Variants in LRBA observed in about 807,000 individuals in gnomAD.
LRBA encodes LPS responsive beige-like anchor protein.
In LRBA, 176 loss-of-function variants were observed where a neutral mutation model predicts 330.0. The observed-to-expected ratio is 0.53, with a 90% CI of 0.47 to 0.60. The LOEUF (loss-of-function observed/expected upper bound fraction) is 0.60. LRBA is among the 20% of genes least tolerant of loss of function. The pLI is 0.00. For synonymous variants in LRBA, 1,230 were observed against 1,193.0 expected (o/e 1.03, Z -0.64); for missense variants, 3,259 against 3,444.8 (o/e 0.95, Z 1.35).
At chr4:150,328,374 T>C (rs541654548) in intron 48 of LRBA, among the ~76,000 whole-genome samples, 15 of 152,292 alleles carry the variant, frequency 9.8e-5, no homozygotes, top group South Asian at 6.2e-4. Flanking sequence ...GTGTCATTCA[T>C]ATAAAAGAGA....
At chr4:150,830,008 A>G (rs1321570325) in intron 29 of LRBA, among the ~76,000 whole-genome samples, 1 of 152,178 alleles carries the variant, frequency 6.6e-6, no homozygotes, top group African/African-American at 2.4e-5. Context: ...ACTAAAACAT[A>G]TTCAGAATCT....
At chr4:150,730,707 AAAGAG>A (rs1430502069) in intron 36 of LRBA, among the ~76,000 whole-genome samples, 1 of 151,204 alleles carries the variant, frequency 6.6e-6, no homozygotes, top group Non-Finnish European at 1.5e-5. Context: ...AAAGAAAAGA[AAAGAG>A]AAAAGAAAGA....
chr4:150,983,535 C>T (rs964423555), intron 2 of LRBA, among the ~76,000 whole-genome samples: 1 of 149,528 alleles, frequency 6.7e-6, no homozygotes, highest in East Asian at 2.0e-4. Context: ...CTCACTGCAA[C>T]CTCTGCCTCT....
chr4:150,353,320 C>G (rs777324763), intron 47 of LRBA, among the ~76,000 whole-genome samples: 13 of 152,158 alleles, frequency 8.5e-5, no homozygotes, highest in Admixed American at 2.6e-4. Flanking sequence ...TAAACAAACC[C>G]TGCATCCAAG....
At chr4:150,338,540 A>G in intron 48 of LRBA, among the ~76,000 whole-genome samples, 1 of 152,060 alleles carries the variant, frequency 6.6e-6, no homozygotes, top group South Asian at 2.1e-4. Flanking sequence ...CCTCCAGTGT[A>G]CCCCAAGATC....
In LRBA at chr4:150,828,919, G is replaced by GT. The variant is rs1491115131; in HGVS notation, c.4730-299_4730-298insA. 5.8e-4 allele frequency among the ~76,000 whole-genome samples: 27 copies of GT among 46,874 alleles called. No individual in the cohort carries two copies. In the East Asian group the frequency reaches 7.6e-3, roughly 13 times the overall value. 30.8% of individuals were successfully genotyped at this position (46,874 alleles called of 152,430 possible). On this transcript the variant is annotated intron_variant, in intron 29 of 56. Coordinates refer to ENST00000651943, the MANE Select transcript of LRBA (RefSeq NM_001364905.1). ...TAAGAAAAAGTCTATAATCTTTTTT[G>GT]GGGGTGTGTGTGTGTGTGTGTGTGT... is the stretch of plus-strand genomic sequence containing the variant.
intron 29 of LRBA, among the ~76,000 whole-genome samples, chr4:150,829,283 G>C (rs1050955187): frequency 3.9e-5 from 6 of 152,022 alleles, no homozygotes; most frequent in African/African-American, 1.4e-4. Context: ...CCTCAAACAT[G>C]GTTACTGCAG....
chr4:150,996,975 C>T (rs1417852626), intron 2 of LRBA, among the ~76,000 whole-genome samples: 2 of 152,116 alleles, frequency 1.3e-5, no homozygotes, highest in East Asian at 3.8e-4. Context: ...AGATATACAC[C>T]CTGACTTACA....
At chr4:150,307,051 T>C (rs894221482) in intron 52 of LRBA, among the ~76,000 whole-genome samples, 1 of 152,068 alleles carries the variant, frequency 6.6e-6, no homozygotes, top group Non-Finnish European at 1.5e-5. Context: ...AATATAGGAT[T>C]TTAATTATTA....
At chr4:150,456,774 C>T (rs1754130660) in intron 44 of LRBA, among the ~76,000 whole-genome samples, 1 of 151,928 alleles carries the variant, frequency 6.6e-6, no homozygotes, top group Non-Finnish European at 1.5e-5. Flanking sequence ...GGAGAGTTTC[C>T]CCAATGTTTT....
rs1756152834 is a variant in LRBA, at chr4:150,471,736, A to G, written c.6555T>C (p.Arg2185=). Residue 2185 remains arginine, a synonymous_variant, in exon 43 of 57, where the codon CGT becomes CGC. Coordinates refer to ENST00000651943, the MANE Select transcript of LRBA (RefSeq NM_001364905.1). Reference sequence around the variant, plus strand: ...GCTGACGTGGACTAGCTAATGAAATACGTCTGCAAGAAAAAGAATTCAATG... The same window carrying G: ...GCTGACGTGGACTAGCTAATGAAATGCGTCTGCAAGAAAAAGAATTCAATG... The part of the protein sequence containing the change: ...GTSFGLPQTR[R]ISLASPRQLF... The G allele has an allele frequency of 2.8e-6, 4 of 1,449,590 alleles. No homozygotes were observed. In the East Asian group the frequency reaches 6.8e-5, roughly 25 times the overall value. The allele number at this position is 1,449,590 out of a possible 1,614,324, so 89.8% of individuals were successfully genotyped here.
intron 35 of LRBA, among the ~76,000 whole-genome samples, chr4:150,744,281 C>A (rs2126315953): frequency 6.6e-6 from 1 of 152,210 alleles, no homozygotes. Flanking sequence ...CAATATATTG[C>A]CTTGTACTTT....
In LRBA at chr4:150,532,100, T is replaced by C. The variant is rs533972536; in HGVS notation, c.6331-41065A>G. ...ATCGTATAGAGGACTGTCATTCTCA[T>C]CTCCCAATTGGAGCTTGATTGATTA... On this transcript the variant is annotated intron_variant, in intron 40 of 56. Transcript: ENST00000651943. Among the ~76,000 whole-genome samples, 7 of 152,316 alleles carry C rather than the reference T, an allele frequency of 4.6e-5. No homozygotes were observed. In the South Asian group the frequency reaches 1.2e-3, roughly 27 times the overall value.
chr4:150,724,013 G>A (rs1221812764), intron 36 of LRBA, among the ~76,000 whole-genome samples: 1 of 152,194 alleles, frequency 6.6e-6, no homozygotes, highest in Non-Finnish European at 1.5e-5. Flanking sequence ...TTTGTATTGT[G>A]GTTTGAGTGC....
chr4:150,816,803 C>T (rs992004780), intron 31 of LRBA, among the ~76,000 whole-genome samples: 1 of 151,794 alleles, frequency 6.6e-6, no homozygotes, highest in Non-Finnish European at 1.5e-5. Context: ...TATCTATATA[C>T]ATCTTCTTAA....
At chr4:150,560,363 C>T (rs1231269218) in intron 40 of LRBA, among the ~76,000 whole-genome samples, 1 of 151,964 alleles carries the variant, frequency 6.6e-6, no homozygotes, top group Non-Finnish European at 1.5e-5. Context: ...ATGTGATAAG[C>T]ATGTGATGAG....
At chr4:150,422,804 C>A in intron 46 of LRBA, 1 of 1,467,704 alleles carries the variant, frequency 6.8e-7, no homozygotes, top group Admixed American at 1.7e-5. Context: ...GCATGTGCTG[C>A]GGTTTGCCCT....
intron 40 of LRBA, among the ~76,000 whole-genome samples, chr4:150,539,683 A>T (rs1765107258): frequency 6.6e-6 from 1 of 152,222 alleles, no homozygotes; most frequent in South Asian, 2.1e-4. Flanking sequence ...CCAACGTAAC[A>T]TATACCAGAA....
intron 39 of LRBA, among the ~76,000 whole-genome samples, chr4:150,588,422 A>G (rs1360991057): frequency 6.6e-6 from 1 of 152,206 alleles, no homozygotes; most frequent in Non-Finnish European, 1.5e-5. Flanking sequence ...ACTAGGATGC[A>G]ATTATTTTAC....
Sources: gnomAD v4.1 joint callset for allele counts (sites outside exome capture counted in the v4.1 genomes callset) on GRCh38, gnomAD v4.1.1 for gene constraint, MANE v1.5 for transcripts, NCBI Gene and HGNC (gene_info 2026-07-23, HGNC 2026-07-21) for gene names.